Variants in TFDP1 observed in about 807,000 individuals in gnomAD.
The protein encoded by TFDP1 is DRTF1-polypeptide 1.
A neutral mutation model predicts 48.0 loss-of-function variants in TFDP1; 6 were observed. That is an observed-to-expected ratio of 0.13 (90% CI 0.07 to 0.25). TFDP1 has a LOEUF of 0.25. Among genes scored for constraint, TFDP1 ranks in the 10% least tolerant of loss-of-function variants. The probability of loss-of-function intolerance (pLI) is 1.00; values close to 1 mark genes in which losing one functional copy is unlikely to be tolerated. For missense variants in TFDP1, 335 were observed against 543.0 expected (o/e 0.62, Z 3.81); for synonymous variants, 201 against 211.6 (o/e 0.95, Z 0.44).
chr13:113,617,559 A>G (rs181882014), intron 3 of TFDP1, among the ~76,000 whole-genome samples: 87 of 87,270 alleles, frequency 1.0e-3, no homozygotes, highest in South Asian at 1.1e-3. Flanking sequence ...CACCTGCAGA[A>G]CCCTTCACCT....
intron 2 of TFDP1, among the ~76,000 whole-genome samples, chr13:113,605,642 G>C (rs1027260198): frequency 2.0e-5 from 3 of 152,220 alleles, no homozygotes; most frequent in Non-Finnish European, 4.4e-5. Flanking sequence ...AGCAGGAGGA[G>C]CCCTCAGCAC....
chr13:113,611,194 A>G (rs968143056), intron 3 of TFDP1, 132 bp downstream of exon 3: 4 of 846,074 alleles, frequency 4.7e-6, no homozygotes, highest in African/African-American at 1.7e-5. Flanking sequence ...GTGCTCCGGG[A>G]ACCCAGGAGG....
Position 113,631,880 on chromosome 13 carries a change from C to T in TFDP1, c.308+136C>T, listed in dbSNP as rs546676467. On this transcript the variant is annotated intron_variant, in intron 5 of 11. Transcript: ENST00000375370. ...CGTTGACGCCAGCCTCCGAATCACA[C>T]TCACCCATCATCGTGGCCTGCACAG... The T allele has an allele frequency of 3.2e-6, 4 of 1,261,404 alleles. No homozygotes were observed. The East Asian group carries it at 1.0e-4, about 33-fold the overall frequency. 78.1% of individuals were successfully genotyped at this position (1,261,404 alleles called of 1,614,324 possible). A position where few individuals can be genotyped will look rare whatever the true frequency, so the allele number is the denominator to read the frequency against.
intron 3 of TFDP1, among the ~76,000 whole-genome samples, chr13:113,615,359 G>C (rs1334188935): frequency 6.6e-6 from 1 of 152,210 alleles, no homozygotes; most frequent in Non-Finnish European, 1.5e-5. Context: ...CCGCAGTGCT[G>C]ATAGGAGCTT....
At chr13:113,626,337 A>C (rs2049179164) in intron 4 of TFDP1, among the ~76,000 whole-genome samples, 1 of 152,142 alleles carries the variant, frequency 6.6e-6, no homozygotes. Flanking sequence ...TTTAGTCTTT[A>C]TTTTATATGC....
At chr13:113,619,198 C>T (rs950656695) in intron 3 of TFDP1, among the ~76,000 whole-genome samples, 1 of 152,194 alleles carries the variant, frequency 6.6e-6, no homozygotes, top group African/African-American at 2.4e-5. Context: ...CCCGGCTGGG[C>T]GTAGTGGCTA....
chr13:113,589,739 A>G (rs1052063805), intron 2 of TFDP1, among the ~76,000 whole-genome samples: 4 of 152,188 alleles, frequency 2.6e-5, no homozygotes, highest in African/African-American at 9.6e-5. Flanking sequence ...CCTTGTCACG[A>G]GTCAGTCCAG....
chr13:113,602,304 G>A (rs1416690624), intron 2 of TFDP1, among the ~76,000 whole-genome samples: 3 of 151,904 alleles, frequency 2.0e-5, no homozygotes, highest in African/African-American at 4.8e-5. Flanking sequence ...AGAGTTACCC[G>A]CAGGAGTTGA....
At chr13:113,624,277 C>G (rs147172945) in intron 4 of TFDP1, among the ~76,000 whole-genome samples, 160 of 152,286 alleles carry the variant, frequency 1.1e-3, no homozygotes, top group African/African-American at 3.5e-3. Flanking sequence ...GGATGAGAAC[C>G]TGTCCGTTCA....
At position 113,627,909 on chromosome 13, in the gene TFDP1, A is replaced by G. The variant is rs1343766811; in HGVS notation, c.187-3714A>G. 1.3e-5 allele frequency among the ~76,000 whole-genome samples: 2 copies of G among 152,110 alleles called. No homozygotes were observed. On this transcript the variant is annotated intron_variant, in intron 4 of 11. Coordinates refer to ENST00000375370, the MANE Select transcript of TFDP1 (RefSeq NM_007111.5). This position sits in a 1 kb window ranked among gnomAD's most constrained non-coding sequence, Gnocchi z 4.1. ...GTGGGGGATCGCTGCTTTAAACACC[A>G]AGGCTCACTGTGCAGCCAGTGAGGA... is the stretch of plus-strand genomic sequence containing the variant.
intron 10 of TFDP1, 53 bp from the exon 11 acceptor site, chr13:113,637,765 T>G: frequency 6.2e-7 from 1 of 1,614,168 alleles, no homozygotes; most frequent in Non-Finnish European, 8.5e-7. Context: ...TGCCTGTGCG[T>G]CTTGTGTTGT....
At chr13:113,626,577 C>T (rs1027484806) in intron 4 of TFDP1, among the ~76,000 whole-genome samples, 6 of 151,734 alleles carry the variant, frequency 4.0e-5, no homozygotes, top group African/African-American at 1.5e-4. Flanking sequence ...TTGAGCGGTT[C>T]CAGATCCCAG....
chr13:113,635,966 A>G lies in TFDP1; in HGVS notation c.688-11A>G, dbSNP rs762712239. ...CGCCACGGGCCACCTGGCTCCTCTT[A>G]TTTTTTTTAGCAAATTGCCTTCAAG... On this transcript the variant is annotated splice_polypyrimidine_tract_variant and intron_variant, in intron 8 of 11. Transcript: ENST00000375370. 1.6e-5 allele frequency: 26 copies of G among 1,610,750 alleles called. No individual in the cohort carries two copies. Among genetic ancestry groups the G allele is most frequent in the Non-Finnish European group, 2.0e-5 (24 of 1,178,152 alleles).
At chr13:113,601,359 G>A (rs1435397649) in intron 2 of TFDP1, among the ~76,000 whole-genome samples, 2 of 152,266 alleles carry the variant, frequency 1.3e-5, no homozygotes, top group African/African-American at 4.8e-5. Context: ...GTGGGATCCC[G>A]CTCCTTGTGG....
chr13:113,596,272 C>T (rs1017367180), intron 2 of TFDP1, among the ~76,000 whole-genome samples: 1 of 152,212 alleles, frequency 6.6e-6, no homozygotes, highest in Non-Finnish European at 1.5e-5. Flanking sequence ...GGAGTTCAGC[C>T]TCTGACTTTG....
chr13:113,634,172 T>A (rs750204712), intron 7 of TFDP1, 139 bp downstream of exon 7: 1 of 1,204,432 alleles, frequency 8.3e-7, no homozygotes, highest in Non-Finnish European at 1.2e-6. Flanking sequence ...TGCAGACGTC[T>A]CCCTGCGTTT....
chr13:113,609,924 G>A (rs965633066), intron 2 of TFDP1, among the ~76,000 whole-genome samples: 1 of 152,204 alleles, frequency 6.6e-6, no homozygotes, highest in South Asian at 2.1e-4. Flanking sequence ...CCCAGAGGCC[G>A]CCCCTCCAAG....
intron 4 of TFDP1, among the ~76,000 whole-genome samples, chr13:113,624,282 C>A (rs963944944): frequency 1.3e-5 from 2 of 152,140 alleles, no homozygotes; most frequent in East Asian, 3.8e-4. Context: ...AGAACCTGTC[C>A]GTTCACTGTC....
At position 113,634,478 on chromosome 13, in the gene TFDP1, A is replaced by C. The variant is rs1487969819; in HGVS notation, c.619-56A>C. On this transcript the variant is annotated intron_variant, in intron 7 of 11. Transcript: ENST00000375370. Reference sequence around the variant, plus strand: ...AGGATGTGAGGATGTGGGTTTTAAAAAACGCTCTGTGGAACAGTTGTGATG... The same window carrying C: ...AGGATGTGAGGATGTGGGTTTTAAACAACGCTCTGTGGAACAGTTGTGATG... 66 of 1,518,000 alleles carry C rather than the reference A, an allele frequency of 4.3e-5. 1 individual carries two copies. Among genetic ancestry groups the C allele is most frequent in the Non-Finnish European group, 1.6e-5 (18 of 1,104,092 alleles). The allele number at this position is 1,518,000 out of a possible 1,614,324, so 94.0% of individuals were successfully genotyped here.
Sources: gnomAD v4.1 joint callset for allele counts (sites outside exome capture counted in the v4.1 genomes callset) on GRCh38, gnomAD v4.1.1 for gene constraint, Gnocchi (gnomAD v3.1) non-coding constraint, MANE v1.5 for transcripts, NCBI Gene and HGNC (gene_info 2026-07-23, HGNC 2026-07-21) for gene names.